MPP3: variants seen among roughly 807,000 people sequenced by gnomAD.
MPP3 encodes the protein MAGUK p55 subfamily member 3.
In MPP3, 48 loss-of-function variants were observed where a neutral mutation model predicts 80.7. The ratio of observed to expected loss-of-function variants is 0.59; its 90% CI spans 0.47 to 0.76. The LOEUF (loss-of-function observed/expected upper bound fraction) is 0.76. Among genes scored for constraint, MPP3 ranks in the 30% least tolerant of loss-of-function variants. The pLI, the probability that MPP3 is intolerant of heterozygous loss-of-function variation, is 0.00. For missense variants in MPP3, 620 were observed against 763.0 expected (o/e 0.81, Z 2.21); for synonymous variants, 311 against 297.6 (o/e 1.04, Z -0.46).
Position 43,811,165 on chromosome 17 carries a change from C to T in MPP3, c.1296G>A (p.Val432=). ...CTTGCTTAGACACAAAGTGATATTC[C>T]ACTCCTTCCTTCTCATGGCTCTTTC... The part of the protein sequence containing the change: ...RPRKSHEKEG[V]EYHFVSKQAF... The change falls in exon 17 of 20, where the codon GTG becomes GTA. Residue 432 remains valine, a synonymous_variant. Coordinates refer to ENST00000398389, the MANE Select transcript of MPP3 (RefSeq NM_001932.6). 2.5e-6 allele frequency: 4 copies of T among 1,614,156 alleles called. No homozygotes were observed. The highest frequency in any genetic ancestry group is 2.5e-6 in the Non-Finnish European group (3 of 1,179,996).
intron 18 of MPP3, among the ~76,000 whole-genome samples, chr17:43,810,448 G>A (rs75643552): frequency 0.041 from 6,194 of 152,040 alleles, 415 homozygotes; most frequent in African/African-American, 0.14. Flanking sequence ...GCCTGGCACC[G>A]AGAGCTCAGC....
intron 7 of MPP3, among the ~76,000 whole-genome samples, chr17:43,828,422 G>A (rs942154804): frequency 1.3e-5 from 2 of 152,218 alleles, no homozygotes; most frequent in African/African-American, 4.8e-5. Context: ...CAGCAGGACG[G>A]CAGAAAGCTT....
intron 9 of MPP3, among the ~76,000 whole-genome samples, chr17:43,824,757 G>A (rs1317918041): frequency 6.6e-6 from 1 of 152,182 alleles, no homozygotes; most frequent in Non-Finnish European, 1.5e-5. Context: ...CCTCTACAGA[G>A]AGGGCTTTAT....
intron 19 of MPP3, among the ~76,000 whole-genome samples, chr17:43,806,043 G>A (rs969658805): frequency 7.9e-5 from 12 of 152,010 alleles, no homozygotes; most frequent in African/African-American, 1.4e-4. Context: ...TGCCTTTAGC[G>A]TTTTAGTGTA....
At chr17:43,815,956 T>C in intron 14 of MPP3, 82 bp downstream of exon 14, 1 of 1,274,660 alleles carries the variant, frequency 7.8e-7, no homozygotes, top group Non-Finnish European at 1.1e-6. Flanking sequence ...GGGGCTCAGA[T>C]CACCCTGCTT....
At chr17:43,827,157 T>C (rs937260550) in intron 8 of MPP3, among the ~76,000 whole-genome samples, 12 of 152,138 alleles carry the variant, frequency 7.9e-5, no homozygotes, top group South Asian at 6.2e-4. Context: ...GCTGTGATTA[T>C]AGGCATGTGC....
At chr17:43,803,143 C>T (rs976611133) in intron 19 of MPP3, among the ~76,000 whole-genome samples, 11 of 152,270 alleles carry the variant, frequency 7.2e-5, no homozygotes, top group African/African-American at 1.4e-4. Context: ...TAACTGCCCC[C>T]GGATCTTCAA....
chr17:43,803,083 A>G (rs559217291), intron 19 of MPP3, among the ~76,000 whole-genome samples: 2 of 152,244 alleles, frequency 1.3e-5, no homozygotes, highest in South Asian at 2.1e-4. Context: ...TCTATATTCT[A>G]TATAGAATAT....
At chr17:43,814,635 T>G in intron 14 of MPP3, 1 of 336,724 alleles carries the variant, frequency 3.0e-6, no homozygotes, top group Non-Finnish European at 5.4e-6. Context: ...TGAGCCTCAA[T>G]TTCCTTACCT....
intron 10 of MPP3, among the ~76,000 whole-genome samples, chr17:43,821,600 C>A (rs965486418): frequency 1.9e-4 from 29 of 152,196 alleles, no homozygotes; most frequent in African/African-American, 7.0e-4. Flanking sequence ...TCAATCCTGC[C>A]TCGTCTGCCA....
At chr17:43,823,296 A>T (rs74914619) in intron 10 of MPP3, among the ~76,000 whole-genome samples, 1,899 of 152,120 alleles carry the variant, frequency 0.012, 21 homozygotes, top group Non-Finnish European at 0.018. Context: ...GCCCCACCAC[A>T]TAGCCCTTAA....
chr17:43,820,755 T>C (rs2154591360), intron 11 of MPP3, 107 bp downstream of exon 11: 2 of 1,017,964 alleles, frequency 2.0e-6, no homozygotes, highest in South Asian at 1.6e-5. Context: ...GGGGGAACAA[T>C]GCTCAGCAGG....
chr17:43,802,556 G>C (rs1343990887), intron 19 of MPP3, among the ~76,000 whole-genome samples: 2 of 152,156 alleles, frequency 1.3e-5, no homozygotes, highest in Non-Finnish European at 2.9e-5. Context: ...TAACATTAAG[G>C]TATAGGCAAC....
rs1314856588 is a variant in MPP3 at position 43,825,738 on chromosome 17, C to A, written c.609+18G>T. 2 of 1,559,298 alleles carry A rather than the reference C, an allele frequency of 1.3e-6. No homozygotes were observed. The highest frequency in any genetic ancestry group is 1.8e-6 in the Non-Finnish European group (2 of 1,129,820). On this transcript the variant is annotated intron_variant, in intron 9 of 19. Transcript: ENST00000398389. ...GTCTGAAGACCCAGCACATCCCTAGCAGGCTTGTAGCACGGACCAGAATCT... is the reference window on the plus strand; with the variant it reads ...GTCTGAAGACCCAGCACATCCCTAGAAGGCTTGTAGCACGGACCAGAATCT...
chr17:43,805,373 G>A (rs1468164872), intron 19 of MPP3, among the ~76,000 whole-genome samples: 2 of 152,164 alleles, frequency 1.3e-5, no homozygotes, highest in Non-Finnish European at 2.9e-5. Context: ...CTGCTGCTGG[G>A]AATGTAAAAT....
chr17:43,810,722 C>A lies in MPP3; in HGVS notation c.1458+85G>T, dbSNP rs2044816123. 8.8e-6 allele frequency: 8 copies of A among 908,480 alleles called. No homozygotes were observed. In the Admixed American group the frequency reaches 1.2e-4, roughly 14 times the overall value. 56.3% of individuals were successfully genotyped at this position (908,480 alleles called of 1,614,324 possible). A position where few individuals can be genotyped will look rare whatever the true frequency, so the allele number is the denominator to read the frequency against. The stretch of plus-strand genomic sequence containing the variant: ...TGTTCTAGACTAAAAATTCCTTAGA[C>A]TGAGGTTAAGTGTTGTGTAAAATGT... On this transcript the variant is annotated intron_variant, in intron 18 of 19. Transcript: ENST00000398389.
At chr17:43,822,133 T>C (rs2045490248) in intron 10 of MPP3, among the ~76,000 whole-genome samples, 1 of 152,216 alleles carries the variant, frequency 6.6e-6, no homozygotes, top group Admixed American at 6.5e-5. Flanking sequence ...GCGGACCACA[T>C]TCGCTTGTCC....
chr17:43,801,992 T>A, intron 19 of MPP3, 115 bp from the exon 20 acceptor site: 1 of 1,009,026 alleles, frequency 9.9e-7, no homozygotes, highest in Non-Finnish European at 1.4e-6. Context: ...AGTGGATGAC[T>A]AGGTCCCACT....
chr17:43,820,166 A>C (rs947641910), intron 11 of MPP3, among the ~76,000 whole-genome samples: 3 of 151,854 alleles, frequency 2.0e-5, no homozygotes, highest in Non-Finnish European at 2.9e-5. Flanking sequence ...GCTGGTCTTG[A>C]ACTCCTGGGC....
Sources: gnomAD v4.1 joint callset for allele counts (sites outside exome capture counted in the v4.1 genomes callset) on GRCh38, gnomAD v4.1.1 for gene constraint, MANE v1.5 for transcripts, NCBI Gene and HGNC (gene_info 2026-07-23, HGNC 2026-07-21) for gene names.